Variants in ZFP64 observed in about 807,000 individuals in gnomAD.
ZFP64 encodes the protein ZFP64 zinc finger protein, also known as zinc finger protein 64.
Under a neutral mutation model 51.6 loss-of-function variants are expected in ZFP64, and 14 were observed. The observed-to-expected ratio is 0.27, with a 90% CI of 0.18 to 0.42. ZFP64 has a LOEUF of 0.42. ZFP64 is among the 10% of genes least tolerant of loss of function. The probability of loss-of-function intolerance (pLI) is 1.00; values close to 1 mark genes in which losing one functional copy is unlikely to be tolerated. For synonymous variants in ZFP64, 375 were observed against 361.4 expected (o/e 1.04, Z -0.43); for missense variants, 754 against 906.8 (o/e 0.83, Z 2.16).
chr20:52,158,257 A>G (rs567766040), intron 5 of ZFP64, among the ~76,000 whole-genome samples: 4 of 152,282 alleles, frequency 2.6e-5, no homozygotes, highest in African/African-American at 9.6e-5. Flanking sequence ...CCGTCTCTAG[A>G]TGAAGAGAAA....
intron 4 of ZFP64, among the ~76,000 whole-genome samples, chr20:52,161,589 G>C (rs1981816208): frequency 6.6e-6 from 1 of 150,512 alleles, no homozygotes; most frequent in African/African-American, 2.5e-5. Context: ...ATATTTCACT[G>C]TATGGATGTG....
In ZFP64 at chr20:52,152,778, C is replaced by G. The variant is rs758688097; in HGVS notation, c.1414G>C (p.Ala472Pro). Residue 472 changes from alanine (A) to proline (P), a missense_variant, in exon 6 of 6, where the codon GCC becomes CCC. Physicochemically the swap from Ala to Pro is conservative, Grantham distance 27. Transcript: ENST00000216923. ...AGGTGTCCCACAGTGAGGGGCGTGG[C>G]GGGCTGCTTGCTGGGGTCGATCTGA... The part of the protein sequence containing the change: ...QFQIDPSKQP[A>P]TPLTVGHLQV... The G allele has an allele frequency of 6.2e-7, 1 of 1,604,902 alleles. No individual in the cohort carries two copies. Among genetic ancestry groups the G allele is most frequent in the African/African-American group, 1.3e-5 (1 of 74,822 alleles).
intron 2 of ZFP64, 54 bp from the exon 3 acceptor site, chr20:52,166,079 G>T: frequency 2.0e-6 from 3 of 1,528,246 alleles, no homozygotes; most frequent in Non-Finnish European, 2.6e-6. Context: ...GCTAGCTATG[G>T]TGTCTGCCTA....
At chr20:52,177,359 G>A (rs539710646) in intron 2 of ZFP64, among the ~76,000 whole-genome samples, 1 of 152,140 alleles carries the variant, frequency 6.6e-6, no homozygotes, top group African/African-American at 2.4e-5. Context: ...GGTTCCACTG[G>A]TAGGCCCCTT....
chr20:52,085,976 T>TC lies in ZFP64; in HGVS notation c.1229-711dup, dbSNP rs1568938456. ...ACACACCCATCCTTTCCCTAACCTC[T>TC]CCCCTGCATTCTGGTGGTTGTGACT... On this transcript the variant is annotated intron_variant, in intron 8 of 8. Coordinates refer to the ZFP64 transcript ENST00000361387. The surrounding 1 kb of genome is among the most constrained non-coding windows in gnomAD (Gnocchi z 4.3). Among the ~76,000 whole-genome samples the TC allele has an allele frequency of 6.6e-6, 1 of 152,134 alleles. No homozygotes were observed. Among genetic ancestry groups the TC allele is most frequent in the Non-Finnish European group, 1.5e-5 (1 of 68,028 alleles).
intron 2 of ZFP64, among the ~76,000 whole-genome samples, chr20:52,174,449 C>G (rs1306154907): frequency 6.9e-6 from 1 of 145,844 alleles, no homozygotes; most frequent in African/African-American, 2.6e-5. Flanking sequence ...CGTCATTGCG[C>G]TCCAGCCTGG....
intron 5 of ZFP64, among the ~76,000 whole-genome samples, chr20:52,138,786 T>C (rs1199306662): frequency 6.6e-6 from 1 of 152,188 alleles, no homozygotes; most frequent in African/African-American, 2.4e-5. Flanking sequence ...AAGAATTGAA[T>C]AATTCATAAA....
At chr20:52,181,841 A>G (rs1983635839) in intron 2 of ZFP64, among the ~76,000 whole-genome samples, 2 of 152,202 alleles carry the variant, frequency 1.3e-5, no homozygotes, top group Admixed American at 6.5e-5. Context: ...CTGCCAGTCA[A>G]TGGAAACTTG....
downstream of ZFP64, among the ~76,000 whole-genome samples, chr20:52,146,889 T>C (rs1980556595): frequency 6.6e-6 from 1 of 152,196 alleles, no homozygotes; most frequent in South Asian, 2.1e-4. Context: ...TTTGGAAGAA[T>C]AATTCAACAT....
chr20:52,124,121 C>T (rs932582634), intron 5 of ZFP64, among the ~76,000 whole-genome samples: 5 of 150,926 alleles, frequency 3.3e-5, no homozygotes, highest in African/African-American at 4.9e-5. Flanking sequence ...CCGCCTGCCT[C>T]GGCCTCCCAA....
intron 8 of ZFP64, among the ~76,000 whole-genome samples, chr20:52,088,075 T>G (rs949926251): frequency 6.6e-6 from 1 of 152,178 alleles, no homozygotes; most frequent in Non-Finnish European, 1.5e-5. Context: ...ATGCAATCAG[T>G]GTATACATTT....
At chr20:52,111,016 A>T in intron 5 of ZFP64, 1 of 1,464,916 alleles carries the variant, frequency 6.8e-7, no homozygotes. Flanking sequence ...ATCCAGGGGA[A>T]GGGCGCGCTT....
chr20:52,160,451 C>T lies in ZFP64; in HGVS notation c.512-77G>A, dbSNP rs568248583. The T allele has an allele frequency of 2.6e-5, 40 of 1,511,582 alleles. No homozygotes were observed. The highest frequency in any genetic ancestry group is 2.0e-4 in the Admixed American group (9 of 45,594). 93.6% of individuals were successfully genotyped at this position (1,511,582 alleles called of 1,614,324 possible). A position where few individuals can be genotyped will look rare whatever the true frequency, so the allele number is the denominator to read the frequency against. On this transcript the variant is annotated intron_variant, in intron 4 of 5. Coordinates refer to ENST00000216923, the MANE Select transcript of ZFP64 (RefSeq NM_018197.3). This position sits in a 1 kb window ranked among gnomAD's most constrained non-coding sequence, Gnocchi z 4.2. Reference sequence around the variant, plus strand: ...AAAAGGCTTATTTCCCACTGCCTTACGAAAAAAGTCATATACAACCACCGA... The same window carrying T: ...AAAAGGCTTATTTCCCACTGCCTTATGAAAAAAGTCATATACAACCACCGA...
At chr20:52,090,927 C>CAAAAA (rs797006213) in intron 7 of ZFP64, among the ~76,000 whole-genome samples, 22 of 68,056 alleles carry the variant, frequency 3.2e-4, no homozygotes, top group African/African-American at 7.7e-4. Context: ...CTGACTCTAC[C>CAAAAA]AAAAAAAAAA....
rs537712582 is a variant in ZFP64 at position 52,118,567 on chromosome 20, G to C, written c.764-19980C>G. The stretch of plus-strand genomic sequence containing the variant: ...TGTCTCCTTATCTTATGCCACAGTC[G>C]GCCTGCCTGACATTTTCTACTAGGG... On this transcript the variant is annotated intron_variant, in intron 5 of 8. Transcript: ENST00000361387. 1.1e-4 allele frequency among the ~76,000 whole-genome samples: 17 copies of C among 152,222 alleles called. No homozygotes were observed. In the South Asian group the frequency reaches 2.3e-3, roughly 20 times the overall value.
chr20:52,142,426 T>G (rs1980319705), intron 5 of ZFP64, among the ~76,000 whole-genome samples: 1 of 112,716 alleles, frequency 8.9e-6, no homozygotes, highest in Non-Finnish European at 1.9e-5. Flanking sequence ...ACAAATTGCT[T>G]AATGGGTAAA....
chr20:52,160,266 G>T lies in ZFP64; in HGVS notation c.620C>A (p.Thr207Lys). The change falls in exon 5 of 6, where the codon ACG becomes AAG. Residue 207 changes from threonine to lysine, a missense_variant. Transcript: ENST00000216923. This position sits in a 1 kb window ranked among gnomAD's most constrained non-coding sequence, Gnocchi z 4.2. ...HTGVKPYKCK[T>K]CDYAAADSSS... ...GCTGTCGGCAGCGGCGTAGTCACAC[G>T]TCTTACACTTGTAGGGCTTCACGCC... 6.2e-7 allele frequency: 1 copy of T among 1,614,142 alleles called. No homozygotes were observed. The highest frequency in any genetic ancestry group is 8.5e-7 in the Non-Finnish European group (1 of 1,180,030).
In ZFP64 at chr20:52,173,943, G is replaced by A. The variant is rs73270849; in HGVS notation, c.287-7918C>T. ...GGGATTACAGATGTGAGCCACCGGT[G>A]CCCAGCCTACATCCTTACTTTTTAT... On this transcript the variant is annotated intron_variant, in intron 2 of 5. Coordinates refer to ENST00000216923, the MANE Select transcript of ZFP64 (RefSeq NM_018197.3). Among the ~76,000 whole-genome samples, 218 of 152,202 alleles carry A rather than the reference G, an allele frequency of 1.4e-3. 1 individual carries two copies. Among genetic ancestry groups the A allele is most frequent in the Middle Eastern group, 6.8e-3 (2 of 294 alleles).
At position 52,189,563 on chromosome 20, in the gene ZFP64, C is replaced by G. The variant is rs1192332989; in HGVS notation, c.46+2028G>C. 2.0e-5 allele frequency among the ~76,000 whole-genome samples: 3 copies of G among 151,628 alleles called. No homozygotes were observed. In the East Asian group the frequency reaches 5.9e-4, roughly 30 times the overall value. ...CGATCTCAGCTCACTGCAACCTCCG[C>G]CTCCTAGGTTCAAGCGATTCTCCTG... is the stretch of plus-strand genomic sequence containing the variant. On this transcript the variant is annotated intron_variant, in intron 1 of 5. Transcript: ENST00000216923.
Sources: gnomAD v4.1 joint callset for allele counts (sites outside exome capture counted in the v4.1 genomes callset) on GRCh38, gnomAD v4.1.1 for gene constraint, Gnocchi (gnomAD v3.1) non-coding constraint, MANE v1.5 for transcripts, NCBI Gene and HGNC (gene_info 2026-07-23, HGNC 2026-07-21) for gene names.